The following MGAT5 variants were observed in gnomAD, a reference collection of about 807,000 sequenced individuals.
MGAT5 encodes the protein alpha-1,6-mannosylglycoprotein 6-beta-N-acetylglucosaminyltransferase A.
Under a neutral mutation model 94.3 loss-of-function variants are expected in MGAT5, and 30 were observed. The observed-to-expected ratio is 0.32, with a 90% confidence interval of 0.24 to 0.43. The LOEUF is 0.43. MGAT5 is among the 20% of genes least tolerant of loss of function. MGAT5 has a pLI of 1.00. For synonymous variants in MGAT5, 310 were observed against 322.9 expected (o/e 0.96, Z 0.43); for missense variants, 691 against 905.5 (o/e 0.76, Z 3.04).
intron 1 of MGAT5, among the ~76,000 whole-genome samples, chr2:134,131,655 C>A (rs1686178620): frequency 7.0e-6 from 1 of 142,886 alleles, no homozygotes; most frequent in East Asian, 2.1e-4. Context: ...ACTATCCACA[C>A]TCTTTGCCCT....
chr2:134,449,106 A>G lies in MGAT5; in HGVS notation c.*259A>G, dbSNP rs1685958908. On this transcript the variant is annotated 3_prime_UTR_variant, in exon 16 of 16. Transcript: ENST00000281923. The stretch of plus-strand genomic sequence containing the variant: ...CATCATTTCTGTTTCTCAAGGAGCA[A>G]CTGTGGGAAGACTGTCACTGCAGCT... 1.9e-6 allele frequency: 1 copy of G among 521,506 alleles called. No homozygotes were observed. The highest frequency in any genetic ancestry group is 3.5e-6 in the Non-Finnish European group (1 of 288,994). The allele number at this position is 521,506 out of a possible 1,614,324, so 32.3% of individuals were successfully genotyped here. A position where few individuals can be genotyped will look rare whatever the true frequency, so the allele number is the denominator to read the frequency against.
intron 1 of MGAT5, among the ~76,000 whole-genome samples, chr2:134,148,479 C>G (rs146574712): frequency 6.6e-6 from 1 of 152,324 alleles, no homozygotes; most frequent in African/African-American, 2.4e-5. Flanking sequence ...TCTCTTCTTC[C>G]TTTCTGATTC....
intron 1 of MGAT5, among the ~76,000 whole-genome samples, chr2:134,198,215 G>A (rs1679593324): frequency 6.6e-6 from 1 of 152,180 alleles, no homozygotes; most frequent in Non-Finnish European, 1.5e-5. Context: ...GTCTGCCTCT[G>A]CTAGCTCAGT....
At chr2:134,170,381 A>G (rs1688147535) in intron 1 of MGAT5, among the ~76,000 whole-genome samples, 1 of 152,182 alleles carries the variant, frequency 6.6e-6, no homozygotes, top group Non-Finnish European at 1.5e-5. Context: ...TTTAGTAAAC[A>G]TTTATTGAGC....
At chr2:134,330,975 A>C (rs1296055517) in intron 4 of MGAT5, among the ~76,000 whole-genome samples, 2 of 152,158 alleles carry the variant, frequency 1.3e-5, no homozygotes, top group Admixed American at 6.6e-5. Flanking sequence ...CATTGGATTT[A>C]TTAGTTTTCA....
intron 9 of MGAT5, among the ~76,000 whole-genome samples, chr2:134,355,993 A>G (rs1459103769): frequency 6.6e-6 from 1 of 152,262 alleles, no homozygotes; most frequent in Non-Finnish European, 1.5e-5. Context: ...TATCATTACC[A>G]TAGAGCATTT....
intron 12 of MGAT5, among the ~76,000 whole-genome samples, chr2:134,414,317 T>C (rs2106334974): frequency 6.6e-6 from 1 of 152,336 alleles, no homozygotes; most frequent in Non-Finnish European, 1.5e-5. Context: ...ACACAGAGAC[T>C]GGGGACATTC....
intron 1 of MGAT5, among the ~76,000 whole-genome samples, chr2:134,240,539 A>G (rs916147214): frequency 2.7e-5 from 4 of 150,128 alleles, no homozygotes; most frequent in African/African-American, 4.9e-5. Context: ...GAGGTTTTGG[A>G]CCATTATATG....
At chr2:134,368,207 GGGTGAGCTAA>G (rs1680555867) in intron 10 of MGAT5, among the ~76,000 whole-genome samples, 1 of 152,200 alleles carries the variant, frequency 6.6e-6, no homozygotes, top group Non-Finnish European at 1.5e-5. Flanking sequence ...AGGTCTCTCT[GGGTGAGCTAA>G]GTGTACAGCA....
rs201792962 is a variant in MGAT5, at chr2:134,338,320, G to A, written c.707G>A (p.Arg236Gln). The A allele has an allele frequency of 5.5e-5, 88 of 1,612,870 alleles. No homozygotes were observed. The highest frequency in any genetic ancestry group is 3.3e-4 in the Middle Eastern group (2 of 6,074). Residue 236 changes from arginine (R) to glutamine (Q), a missense_variant, in exon 6 of 16, where the codon CGG becomes CAG. Transcript: ENST00000281923. ...YSMMKKHEEF[R>Q]WMRLRIRRMA... is the part of the protein sequence containing the mutation. ...ATGATGAAAAAGCATGAAGAATTCC[G>A]GTGGATGAGACTACGGATCCGGCGA... is the stretch of plus-strand genomic sequence containing the variant.
intron 12 of MGAT5, among the ~76,000 whole-genome samples, chr2:134,413,659 G>A (rs972844953): frequency 1.3e-5 from 2 of 152,132 alleles, no homozygotes; most frequent in Non-Finnish European, 2.9e-5. Context: ...GATCAAGCTG[G>A]GTGTTTCTTC....
intron 10 of MGAT5, among the ~76,000 whole-genome samples, chr2:134,387,283 AAATAAAAAGTTATGTATGATATATAT>A (rs1374457530): frequency 7.5e-6 from 1 of 132,614 alleles, no homozygotes; most frequent in Admixed American, 8.1e-5. Flanking sequence ...TAAAAATAAA[AAATAAAAAGTTATGTATGATATATAT>A]ATATATATAT....
intron 1 of MGAT5, among the ~76,000 whole-genome samples, chr2:134,151,278 T>C (rs1319309423): frequency 1.4e-5 from 2 of 141,308 alleles, no homozygotes; most frequent in Non-Finnish European, 3.1e-5. Context: ...CCTCACTCAC[T>C]CATGCCCTGT....
chr2:134,123,378 G>A lies in MGAT5; in HGVS notation c.-143+3087G>A, dbSNP rs559531217. Among the ~76,000 whole-genome samples, 7 of 152,326 alleles carry A rather than the reference G, an allele frequency of 4.6e-5. No individual in the cohort carries two copies. In the South Asian group the frequency reaches 8.3e-4, roughly 18 times the overall value. On this transcript the variant is annotated intron_variant, in intron 1 of 16. Coordinates refer to the MGAT5 transcript ENST00000409645. ...TTTGGCAGGGGATGGGCAGTGACTA[G>A]TGTACCCTGCAGAGATGTGTAGAAA...
chr2:134,259,821 G>A (rs1410303031), intron 1 of MGAT5, among the ~76,000 whole-genome samples: 1 of 152,162 alleles, frequency 6.6e-6, no homozygotes, highest in Non-Finnish European at 1.5e-5. Flanking sequence ...ATGGACAAAG[G>A]CCCTGCTCTC....
At chr2:134,253,071 A>G (rs1682716085), upstream of MGAT5, 1 of 152,238 alleles carries the variant, frequency 6.6e-6, no homozygotes, top group South Asian at 2.1e-4. Context: ...TAGAATTTAT[A>G]ATTTATTTTT....
chr2:134,369,754 T>TGTGTGA (rs1032982328), intron 10 of MGAT5, among the ~76,000 whole-genome samples: 1 of 151,962 alleles, frequency 6.6e-6, no homozygotes, highest in African/African-American at 2.4e-5. Flanking sequence ...TGTGTGTGTG[T>TGTGTGA]GTGAATGACA....
intron 1 of MGAT5, among the ~76,000 whole-genome samples, chr2:134,167,172 G>T (rs1426832006): frequency 6.6e-6 from 1 of 152,198 alleles, no homozygotes; most frequent in African/African-American, 2.4e-5. Flanking sequence ...ATAACAGGCA[G>T]CAGTCACCTT....
intron 1 of MGAT5, among the ~76,000 whole-genome samples, chr2:134,234,563 T>C (rs1279749264): frequency 6.6e-6 from 1 of 152,242 alleles, no homozygotes; most frequent in Non-Finnish European, 1.5e-5. Flanking sequence ...TGACAGTCTT[T>C]GTGGCCCTGG....
Sources: gnomAD v4.1 joint callset for allele counts (sites outside exome capture counted in the v4.1 genomes callset) on GRCh38, gnomAD v4.1.1 for gene constraint, MANE v1.5 for transcripts, NCBI Gene and HGNC (gene_info 2026-07-23, HGNC 2026-07-21) for gene names.